The following MMEL1 variants were observed in gnomAD, a reference collection of about 807,000 sequenced individuals.
MMEL1 encodes membrane metalloendopeptidase like 1.
In MMEL1, 98 loss-of-function variants were observed where a neutral mutation model predicts 117.1. The observed-to-expected ratio is 0.84, with a 90% confidence interval of 0.71 to 0.99. The LOEUF is 0.99. MMEL1 is among the 50% of genes least tolerant of loss of function. The pLI, the probability that MMEL1 is intolerant of heterozygous loss-of-function variation, is 0.00. For missense variants in MMEL1, 1,014 were observed against 1,049.1 expected (o/e 0.97, Z 0.46); for synonymous variants, 390 against 415.1 (o/e 0.94, Z 0.74).
intron 6 of MMEL1, 121 bp from the exon 7 acceptor site, chr1:2,607,190 G>A (rs1645043360): frequency 3.9e-6 from 3 of 769,622 alleles, no homozygotes; most frequent in East Asian, 2.7e-5. Context: ...AGTGCTCCGC[G>A]AGAGGCGGCC....
At chr1:2,605,287 G>A (rs540104771) in intron 9 of MMEL1, among the ~76,000 whole-genome samples, 12 of 152,322 alleles carry the variant, frequency 7.9e-5, no homozygotes, top group South Asian at 2.1e-4. Flanking sequence ...CTGTACTGAC[G>A]GGAGGGGGAT....
chr1:2,613,404 G>T (rs936106609), intron 2 of MMEL1, among the ~76,000 whole-genome samples: 4 of 152,204 alleles, frequency 2.6e-5, no homozygotes, highest in Non-Finnish European at 5.9e-5. Context: ...CTCAGCAAAA[G>T]AGTGGATTCG....
At position 2,611,533 on chromosome 1, in the gene MMEL1, G is replaced by A. The variant is rs1354416394; in HGVS notation, c.233-193C>T. ...GCAAGGCCAGGGTAACCAAAGCATA[G>A]TCTGGTGGGGGTGGGGTGTGGCCCT... On this transcript the variant is annotated intron_variant, in intron 3 of 23. Transcript: ENST00000378412. 5 of 519,654 alleles carry A rather than the reference G, an allele frequency of 9.6e-6. No homozygotes were observed. In the African/African-American group the frequency reaches 1.0e-4, roughly 10 times the overall value. The allele number at this position is 519,654 out of a possible 1,614,324, so 32.2% of individuals were successfully genotyped here. A position where few individuals can be genotyped will look rare whatever the true frequency, so the allele number is the denominator to read the frequency against.
rs548411329 is a variant in MMEL1 at position 2,609,733 on chromosome 1, C to T, written c.391G>A (p.Glu131Lys). The T allele has an allele frequency of 1.2e-6, 2 of 1,613,812 alleles. No homozygotes were observed. Among genetic ancestry groups the T allele is most frequent in the East Asian group, 2.2e-5 (1 of 44,886 alleles). The change falls in exon 5 of 24, where the codon GAG becomes AAG. Residue 131 changes from glutamate to lysine, a missense_variant. By Grantham distance (56) the Glu-to-Lys change is moderately conservative. Transcript: ENST00000378412. Reference sequence around the variant, plus strand: ...AAGATGCTGTATCTTGAGTTGGTCTCAGGGATCACGTGGCGCCGCAGCCAG... The same window carrying T: ...AAGATGCTGTATCTTGAGTTGGTCTTAGGGATCACGTGGCGCCGCAGCCAG... The part of the protein sequence containing the change: ...GGWLRRHVIP[E>K]TNSRYSIFDV...
chr1:2,628,633 C>T (rs1311590237), intron 2 of MMEL1, among the ~76,000 whole-genome samples: 1 of 143,568 alleles, frequency 7.0e-6, no homozygotes, highest in Non-Finnish European at 1.5e-5. Flanking sequence ...CTACGGGTGC[C>T]TGGGAGCCCC....
intron 2 of MMEL1, 97 bp downstream of exon 2, chr1:2,629,234 G>C (rs1638418356): frequency 1.5e-6 from 2 of 1,329,818 alleles, no homozygotes; most frequent in Non-Finnish European, 2.0e-6. Flanking sequence ...TGACGGGCGG[G>C]CTCGGGCTGG....
intron 23 of MMEL1, chr1:2,591,292 G>T (rs1644696524): frequency 1.7e-6 from 1 of 595,254 alleles, no homozygotes; most frequent in Admixed American, 3.0e-5. Context: ...TCCAGCCAGA[G>T]ATATTCCAAC....
rs1644883184 is a variant in MMEL1 at position 2,598,584 on chromosome 1, CTG to C, written c.1178+68_1178+69del. The C allele has an allele frequency of 5.6e-6, 9 of 1,595,982 alleles. No individual in the cohort carries two copies. In the East Asian group the frequency reaches 1.8e-4, roughly 32 times the overall value. On this transcript the variant is annotated intron_variant, in intron 12 of 23. Transcript: ENST00000378412. ...TAGGGTCCCCTCCTGGGAGCAGAAG[CTG>C]TGTTGGGGAGGATGGGAGAGCAGGG...
chr1:2,632,140 C>T (rs1163529507), intron 1 of MMEL1, among the ~76,000 whole-genome samples: 2 of 150,682 alleles, frequency 1.3e-5, no homozygotes, highest in Non-Finnish European at 3.0e-5. Context: ...TGCCAAGCTC[C>T]CCTTCCCAGT....
At position 2,597,332 on chromosome 1, in the gene MMEL1, C is replaced by T. The variant is rs557535108; in HGVS notation, c.1273-643G>A. 4.0e-5 allele frequency among the ~76,000 whole-genome samples: 6 copies of T among 151,850 alleles called. No homozygotes were observed. In the South Asian group the frequency reaches 6.2e-4, roughly 16 times the overall value. On this transcript the variant is annotated intron_variant, in intron 13 of 23. Coordinates refer to ENST00000378412, the MANE Select transcript of MMEL1 (RefSeq NM_033467.4). ...TTGACTCACAGATGTCTCTGACCTA[C>T]CCCCCCATGGCAACAGGAGGCTTGA... is the stretch of plus-strand genomic sequence containing the variant.
chr1:2,631,837 T>C (rs1248935592), intron 1 of MMEL1, among the ~76,000 whole-genome samples: 1 of 152,156 alleles, frequency 6.6e-6, no homozygotes, highest in Non-Finnish European at 1.5e-5. Context: ...CCCTTTCTCA[T>C]TCCTGCCACT....
chr1:2,601,008 CAA>C (rs981025041), intron 11 of MMEL1, among the ~76,000 whole-genome samples: 38 of 96,782 alleles, frequency 3.9e-4, no homozygotes, highest in African/African-American at 1.0e-3. Flanking sequence ...CTCAGCATTG[CAA>C]AGTCTCCCCA....
In MMEL1 at chr1:2,609,767, T is replaced by A. The variant is rs777194284; in HGVS notation, c.357A>T (p.Ala119=). ...CGTGGCGCCGCAGCCAGCCTCCGCA[T>A]GCAAACTGGTAGAAGTCGTCACACG... ...TEPCDDFYQF[A]CGGWLRRHVI... The change falls in exon 5 of 24, where the codon GCA becomes GCT. Residue 119 remains alanine (A), a synonymous_variant. Coordinates refer to ENST00000378412, the MANE Select transcript of MMEL1 (RefSeq NM_033467.4). 6.2e-7 allele frequency: 1 copy of A among 1,613,934 alleles called. No homozygotes were observed. Among genetic ancestry groups the A allele is most frequent in the Non-Finnish European group, 8.5e-7 (1 of 1,180,014 alleles).
At chr1:2,591,673 G>A (rs1358446061) in intron 22 of MMEL1, 40 bp from the exon 23 acceptor site, 1 of 1,522,846 alleles carries the variant, frequency 6.6e-7, no homozygotes, top group Non-Finnish European at 9.1e-7. Context: ...GTGGCGTGGT[G>A]GGGTGGCCAG....
At chr1:2,625,943 G>A (rs1041507580) in intron 2 of MMEL1, among the ~76,000 whole-genome samples, 2 of 132,306 alleles carry the variant, frequency 1.5e-5, no homozygotes, top group African/African-American at 2.6e-5. Flanking sequence ...CAGAGGAAGA[G>A]AAGACTAGGG....
chr1:2,592,200 G>A (rs1055017857), intron 21 of MMEL1, among the ~76,000 whole-genome samples, 173 bp from the exon 22 acceptor site: 32 of 133,070 alleles, frequency 2.4e-4, no homozygotes, highest in Middle Eastern at 3.6e-3. Flanking sequence ...CAGTCACTCA[G>A]GGACCCCTGA....
intron 14 of MMEL1, 95 bp downstream of exon 14, chr1:2,596,466 C>T (rs1350389188): frequency 2.0e-6 from 3 of 1,519,824 alleles, no homozygotes; most frequent in East Asian, 4.6e-5. Context: ...GGCAGGTGCC[C>T]CTGAGCCTGG....
chr1:2,615,281 T>G (rs1429379919), intron 2 of MMEL1, among the ~76,000 whole-genome samples: 1 of 152,126 alleles, frequency 6.6e-6, no homozygotes, highest in African/African-American at 2.4e-5. Flanking sequence ...GCCAGGCAAT[T>G]AAGGTTAACA....
At chr1:2,601,665 C>T (rs1200799068) in intron 11 of MMEL1, among the ~76,000 whole-genome samples, 1 of 152,214 alleles carries the variant, frequency 6.6e-6, no homozygotes, top group Non-Finnish European at 1.5e-5. Context: ...TACACATAAG[C>T]TGACCAAGGA....
Sources: allele counts gnomAD v4.1 joint callset (sites outside exome capture counted in the v4.1 genomes callset), GRCh38; gene constraint gnomAD v4.1.1; transcripts MANE v1.5; gene names NCBI Gene and HGNC (gene_info 2026-07-23, HGNC 2026-07-21).